Variants in SIPA1L2 observed in about 807,000 individuals in gnomAD.
SIPA1L2 encodes the protein signal-induced proliferation-associated 1-like protein 2.
In SIPA1L2, 56 loss-of-function variants were observed where a neutral mutation model predicts 163.9. The observed-to-expected ratio is 0.34, with a 90% confidence interval of 0.28 to 0.43. SIPA1L2 has a LOEUF of 0.43. SIPA1L2 is among the 20% of genes least tolerant of loss of function. SIPA1L2 has a pLI of 1.00. For synonymous variants in SIPA1L2, 877 were observed against 865.7 expected (o/e 1.01, Z -0.23); for missense variants, 1,974 against 2,193.5 (o/e 0.90, Z 2.00).
At chr1:232,607,382 T>C in intron 1 of SIPA1L2, among the ~76,000 whole-genome samples, 1 of 152,328 alleles carries the variant, frequency 6.6e-6, no homozygotes, top group East Asian at 1.9e-4. Context: ...ATATGCAGTA[T>C]CATAATTGAA....
chr1:232,410,545 A>AAT (rs35712001), intron 19 of SIPA1L2, among the ~76,000 whole-genome samples: 1,611 of 148,840 alleles, frequency 0.011, 11 homozygotes, highest in Middle Eastern at 0.018. Flanking sequence ...TGAATTTCAA[A>AAT]ATATATATAT....
At chr1:232,406,199 T>C (rs1354229964) in intron 19 of SIPA1L2, among the ~76,000 whole-genome samples, 2 of 152,174 alleles carry the variant, frequency 1.3e-5, no homozygotes, top group Non-Finnish European at 2.9e-5. Context: ...AATCAAGCAA[T>C]TACTGAGATA....
At chr1:232,617,558 A>C (rs186293192) in intron 1 of SIPA1L2, among the ~76,000 whole-genome samples, 6 of 152,364 alleles carry the variant, frequency 3.9e-5, no homozygotes, top group Admixed American at 3.9e-4. Flanking sequence ...TGAATTTTGA[A>C]AGCAGCTTTA....
rs546171946 is a variant in SIPA1L2, at chr1:232,579,237, G to A, written c.-318-5015C>T. Among the ~76,000 whole-genome samples, 4 of 152,190 alleles carry A rather than the reference G, an allele frequency of 2.6e-5. No homozygotes were observed. The South Asian group carries it at 6.2e-4, about 24-fold the overall frequency. On this transcript the variant is annotated intron_variant, in intron 1 of 22. Transcript: ENST00000674635. ...GAACACAAATATTCCATCAAGCTCC[G>A]TTTCTCTACTTACTGTTAGGATGGA...
Position 232,513,043 on chromosome 1 carries a change from A to T in SIPA1L2, c.1483+814T>A, listed in dbSNP as rs567108984. On this transcript the variant is annotated intron_variant, in intron 3 of 22. Transcript: ENST00000674635. ...CTGCACTATAATGAAGGCGTGAAGG[A>T]CACCAGCTGCACCCAATAAGAAGGT... Among the ~76,000 whole-genome samples the T allele has an allele frequency of 9.2e-5, 14 of 152,282 alleles. No individual in the cohort carries two copies. In the South Asian group the frequency reaches 1.7e-3, roughly 18 times the overall value.
intron 2 of SIPA1L2, among the ~76,000 whole-genome samples, chr1:232,543,085 T>C (rs914603405): frequency 6.6e-6 from 1 of 152,218 alleles, no homozygotes; most frequent in African/African-American, 2.4e-5. Flanking sequence ...TCTCTCATTG[T>C]ACAGTGTATC....
At chr1:232,569,596 C>G (rs113173354) in intron 2 of SIPA1L2, among the ~76,000 whole-genome samples, 2,861 of 152,250 alleles carry the variant, frequency 0.019, 92 homozygotes, top group African/African-American at 0.063. Flanking sequence ...GCGAATCACC[C>G]GAGGTGAGGA....
rs151212217 is a variant in SIPA1L2, at chr1:232,588,268, G to T, written c.-318-14046C>A. On this transcript the variant is annotated intron_variant, in intron 1 of 22. Coordinates refer to ENST00000674635, the MANE Select transcript of SIPA1L2 (RefSeq NM_020808.5). The stretch of plus-strand genomic sequence containing the variant: ...TTGACAGAGCGATATATAAACAATG[G>T]TTATTCCGACAAGGCTATCTGGCAG... Among the ~76,000 whole-genome samples, 687 of 152,236 alleles carry T rather than the reference G, an allele frequency of 4.5e-3. 10 individuals are homozygous for T. The highest frequency in any genetic ancestry group is 0.016 in the African/African-American group (665 of 41,528).
At chr1:232,513,738 C>T (rs989148319) in intron 3 of SIPA1L2, 119 bp downstream of exon 3, 2 of 1,062,622 alleles carry the variant, frequency 1.9e-6, no homozygotes, top group Non-Finnish European at 2.7e-6. Context: ...AGGTCAGGCC[C>T]AGTGGACTAT....
At chr1:232,473,127 T>G (rs1245511953) in intron 7 of SIPA1L2, among the ~76,000 whole-genome samples, 1 of 152,252 alleles carries the variant, frequency 6.6e-6, no homozygotes, top group Non-Finnish European at 1.5e-5. Context: ...CCATTTCAAA[T>G]GCATGTAAAT....
At chr1:232,430,243 T>C (rs1258252282) in intron 16 of SIPA1L2, among the ~76,000 whole-genome samples, 1 of 152,162 alleles carries the variant, frequency 6.6e-6, no homozygotes, top group Non-Finnish European at 1.5e-5. Context: ...AGCTAGCGGG[T>C]GCAGAGAACA....
chr1:232,535,043 C>T (rs748043689), intron 2 of SIPA1L2, among the ~76,000 whole-genome samples: 12 of 152,190 alleles, frequency 7.9e-5, no homozygotes, highest in Non-Finnish European at 1.8e-4. Context: ...AGAATTACTT[C>T]CACTGACAAC....
intron 2 of SIPA1L2, among the ~76,000 whole-genome samples, chr1:232,551,797 G>A (rs1024621450): frequency 2.0e-5 from 3 of 152,192 alleles, no homozygotes; most frequent in Non-Finnish European, 4.4e-5. Context: ...GCCAGGCCAA[G>A]GAATTTTAAC....
At chr1:232,570,151 A>G (rs1468925121) in intron 2 of SIPA1L2, among the ~76,000 whole-genome samples, 2 of 152,222 alleles carry the variant, frequency 1.3e-5, no homozygotes, top group Non-Finnish European at 1.5e-5. Flanking sequence ...AATTCTATTC[A>G]TCTTTGTAAG....
At chr1:232,548,432 A>C (rs1658177166) in intron 2 of SIPA1L2, among the ~76,000 whole-genome samples, 1 of 152,202 alleles carries the variant, frequency 6.6e-6, no homozygotes, top group South Asian at 2.1e-4. Flanking sequence ...TGTGAAACCC[A>C]GAGTATCTTT....
intron 2 of SIPA1L2, among the ~76,000 whole-genome samples, chr1:232,572,734 CATACAT>C (rs1427455339): frequency 7.7e-4 from 52 of 67,322 alleles, no homozygotes; most frequent in African/African-American, 2.0e-3. Flanking sequence ...TATATACATA[CATACAT>C]ATATATATAT....
At chr1:232,532,752 C>A (rs566126860) in intron 2 of SIPA1L2, among the ~76,000 whole-genome samples, 1 of 152,268 alleles carries the variant, frequency 6.6e-6, no homozygotes, top group East Asian at 1.9e-4. Flanking sequence ...TGCTATATGA[C>A]CCAATCACGG....
intron 1 of SIPA1L2, among the ~76,000 whole-genome samples, chr1:232,613,290 A>G (rs1236755089): frequency 1.3e-5 from 2 of 152,196 alleles, no homozygotes; most frequent in Admixed American, 1.3e-4. Context: ...TACTTTTTCA[A>G]TGGACTTCAC....
intron 8 of SIPA1L2, among the ~76,000 whole-genome samples, chr1:232,467,567 C>T (rs556157794): frequency 3.3e-4 from 51 of 152,310 alleles, no homozygotes; most frequent in African/African-American, 9.4e-4. Flanking sequence ...CTCTTCTCTA[C>T]GCTGTCAATG....
Sources: gnomAD v4.1 joint callset for allele counts (sites outside exome capture counted in the v4.1 genomes callset) on GRCh38, gnomAD v4.1.1 for gene constraint, MANE v1.5 for transcripts, NCBI Gene and HGNC (gene_info 2026-07-23, HGNC 2026-07-21) for gene names.